The following AMOTL1 variants were observed in gnomAD, a reference collection of about 807,000 sequenced individuals.
AMOTL1 encodes the protein angiomotin like 1, also known as angiomotin-like protein 1.
AMOTL1 carries 45 observed loss-of-function variants against 102.9 expected under a neutral mutation model. That is an observed-to-expected ratio of 0.44 (90% CI 0.34 to 0.56). The LOEUF (loss-of-function observed/expected upper bound fraction) is 0.56. AMOTL1 is among the 20% of genes least tolerant of loss of function. The pLI, the probability that AMOTL1 is intolerant of heterozygous loss-of-function variation, is 0.01. For synonymous variants in AMOTL1, 481 were observed against 484.7 expected (o/e 0.99, Z 0.10); for missense variants, 1,114 against 1,225.6 (o/e 0.91, Z 1.36).
chr11:94,846,918 A>G (rs1331623653), intron 6 of AMOTL1, among the ~76,000 whole-genome samples: 1 of 152,214 alleles, frequency 6.6e-6, no homozygotes, highest in African/African-American at 2.4e-5. Flanking sequence ...CTGGAACACA[A>G]TACTTATTCA....
chr11:94,769,302 C>T (rs1950908812), intron 1 of AMOTL1, among the ~76,000 whole-genome samples: 1 of 152,196 alleles, frequency 6.6e-6, no homozygotes, highest in South Asian at 2.1e-4. Context: ...GAGAGTGGTA[C>T]GTTGGCCGAT....
At chr11:94,707,373 T>TA in intron 1 of AMOTL1, among the ~76,000 whole-genome samples, 1 of 151,892 alleles carries the variant, frequency 6.6e-6, no homozygotes, top group Admixed American at 6.5e-5. Flanking sequence ...GATTGAATCA[T>TA]ACAACTCTTA....
chr11:94,865,814 G>A, intron 10 of AMOTL1, 128 bp from the exon 11 acceptor site: 2 of 764,736 alleles, frequency 2.6e-6, no homozygotes, highest in South Asian at 3.6e-5. Context: ...AACATTTGAA[G>A]ACTCGTACTG....
chr11:94,822,047 A>C (rs116639465), intron 4 of AMOTL1, among the ~76,000 whole-genome samples: 4,594 of 152,280 alleles, frequency 0.03, 78 homozygotes, highest in Middle Eastern at 0.054. Flanking sequence ...TAAGAGTGTG[A>C]AGGGTCTACT....
rs1194413228 is a variant in AMOTL1, at chr11:94,853,805, G to A, written c.1795-128G>A. 11 of 994,110 alleles carry A rather than the reference G, an allele frequency of 1.1e-5. No individual in the cohort carries two copies. In the East Asian group the frequency reaches 1.6e-4, roughly 14 times the overall value. The allele number at this position is 994,110 out of a possible 1,614,324, so 61.6% of individuals were successfully genotyped here. Reference sequence around the variant, plus strand: ...CAGTGCACTTGAAGGATAGGAGTAGGGCGGTGGGAGGTACGTGCACCTGTA... The same window carrying A: ...CAGTGCACTTGAAGGATAGGAGTAGAGCGGTGGGAGGTACGTGCACCTGTA... On this transcript the variant is annotated intron_variant, in intron 7 of 12. Coordinates refer to ENST00000433060, the MANE Select transcript of AMOTL1 (RefSeq NM_130847.3).
chr11:94,721,421 G>A (rs1261735683), intron 1 of AMOTL1, among the ~76,000 whole-genome samples: 1 of 151,382 alleles, frequency 6.6e-6, no homozygotes, highest in South Asian at 2.1e-4. Flanking sequence ...TTGAATGTTT[G>A]TGCTATCACA....
intron 4 of AMOTL1, among the ~76,000 whole-genome samples, chr11:94,827,758 G>T (rs1194270026): frequency 6.6e-6 from 1 of 152,122 alleles, no homozygotes; most frequent in South Asian, 2.1e-4. Flanking sequence ...AGAAGCCCCC[G>T]TGCTCTCCAG....
chr11:94,764,214 C>T (rs180829683), upstream of AMOTL1, among the ~76,000 whole-genome samples: 2 of 151,908 alleles, frequency 1.3e-5, no homozygotes, highest in Non-Finnish European at 2.9e-5. Context: ...GCATACTACA[C>T]TCTGATGTAG....
chr11:94,761,432 G>A (rs997891752), intron 3 of AMOTL1, among the ~76,000 whole-genome samples: 1 of 150,214 alleles, frequency 6.7e-6, no homozygotes, highest in Non-Finnish European at 1.5e-5. Flanking sequence ...CAAGTGATCC[G>A]CACCCCCTGG....
intron 4 of AMOTL1, among the ~76,000 whole-genome samples, chr11:94,827,713 T>G (rs890726171): frequency 1.3e-5 from 2 of 152,206 alleles, no homozygotes; most frequent in African/African-American, 4.8e-5. Context: ...GAACCTTGGT[T>G]ATCTCAGCTC....
At chr11:94,744,145 A>G (rs1950562371) in intron 3 of AMOTL1, among the ~76,000 whole-genome samples, 1 of 152,234 alleles carries the variant, frequency 6.6e-6, no homozygotes, top group Non-Finnish European at 1.5e-5. Flanking sequence ...TTCAGATATC[A>G]ACGGCAAGTG....
chr11:94,746,594 A>G (rs1226137118), intron 3 of AMOTL1, among the ~76,000 whole-genome samples: 1 of 151,948 alleles, frequency 6.6e-6, no homozygotes, highest in Non-Finnish European at 1.5e-5. Flanking sequence ...GCTTGCTCCT[A>G]TCTAGCCTTC....
At chr11:94,803,818 A>G (rs911812895) in intron 3 of AMOTL1, among the ~76,000 whole-genome samples, 10 of 152,234 alleles carry the variant, frequency 6.6e-5, no homozygotes, top group African/African-American at 2.4e-4. Flanking sequence ...ATTTCAAAAC[A>G]TTTGGGAACT....
intron 3 of AMOTL1, among the ~76,000 whole-genome samples, chr11:94,811,387 C>T (rs1426368587): frequency 6.6e-6 from 1 of 151,878 alleles, no homozygotes; most frequent in African/African-American, 2.4e-5. Flanking sequence ...CCCAGCCGCT[C>T]GGGAGGCTGA....
intron 1 of AMOTL1, among the ~76,000 whole-genome samples, chr11:94,791,963 A>G (rs1267630276): frequency 2.0e-5 from 3 of 152,138 alleles, no homozygotes; most frequent in Non-Finnish European, 4.4e-5. Context: ...CCTCTGTTAA[A>G]TTTTTGTTGT....
intron 1 of AMOTL1, among the ~76,000 whole-genome samples, chr11:94,787,871 G>A (rs1014719486): frequency 1.3e-5 from 2 of 152,078 alleles, no homozygotes; most frequent in Admixed American, 1.3e-4. Context: ...AATATATCGG[G>A]CAGCTCACAA....
chr11:94,819,176 C>G (rs1291549389), intron 3 of AMOTL1, among the ~76,000 whole-genome samples: 1 of 152,088 alleles, frequency 6.6e-6, no homozygotes, highest in Non-Finnish European at 1.5e-5. Flanking sequence ...TTATAAAATG[C>G]TTTTTTGGAA....
chr11:94,722,242 T>C (rs375028520), intron 1 of AMOTL1, among the ~76,000 whole-genome samples: 6 of 152,146 alleles, frequency 3.9e-5, no homozygotes, highest in African/African-American at 1.4e-4. Flanking sequence ...TTTTTACACA[T>C]CTTTTTTTCA....
chr11:94,723,491 G>C (rs528899870), intron 1 of AMOTL1, among the ~76,000 whole-genome samples: 1 of 152,200 alleles, frequency 6.6e-6, no homozygotes, highest in South Asian at 2.1e-4. Context: ...TTAGAGAGAA[G>C]ATAGCACAAA....
Sources: gnomAD v4.1 joint callset for allele counts (sites outside exome capture counted in the v4.1 genomes callset) on GRCh38, gnomAD v4.1.1 for gene constraint, MANE v1.5 for transcripts, NCBI Gene and HGNC (gene_info 2026-07-23, HGNC 2026-07-21) for gene names.